Variants in ZHX2 observed in about 807,000 individuals in gnomAD.
ZHX2 encodes the protein zinc fingers and homeoboxes 2, also known as zinc fingers and homeoboxes protein 2.
In ZHX2, 6 loss-of-function variants were observed where a neutral mutation model predicts 21.9. The ratio of observed to expected loss-of-function variants is 0.27; its 90% CI spans 0.15 to 0.54. The LOEUF (loss-of-function observed/expected upper bound fraction) is 0.54, where lower values mean the gene tolerates loss of function less well. Among genes scored for constraint, ZHX2 ranks in the 20% least tolerant of loss-of-function variants. ZHX2 has a pLI of 0.95. For synonymous variants in ZHX2, 434 were observed against 437.1 expected, an observed-to-expected ratio of 0.99 and a Z score of 0.09; for missense variants, 908 against 1,090.7, an observed-to-expected ratio of 0.83 and a Z score of 2.36.
intron 2 of ZHX2, among the ~76,000 whole-genome samples, chr8:122,915,966 T>G (rs1214977677): frequency 1.3e-5 from 2 of 152,104 alleles, no homozygotes; most frequent in Non-Finnish European, 2.9e-5. Flanking sequence ...TCCTCCCCCT[T>G]CCTGCAGCCC....
chr8:122,819,606 A>G lies in ZHX2; in HGVS notation c.-283+37660A>G, dbSNP rs1818100336. ...AAGGAGGTTTTCCAGGCACTATCCA[A>G]GAAACCAAAGTAGAATTGCCCGCAT... On this transcript the variant is annotated intron_variant, in intron 1 of 3. Coordinates refer to ENST00000314393, the MANE Select transcript of ZHX2 (RefSeq NM_014943.5). Among the ~76,000 whole-genome samples the G allele has an allele frequency of 2.0e-5, 3 of 152,236 alleles. No individual in the cohort carries two copies. In the South Asian group the frequency reaches 6.2e-4, roughly 32 times the overall value.
chr8:122,882,580 C>T (rs1192366131), intron 2 of ZHX2, among the ~76,000 whole-genome samples: 2 of 152,158 alleles, frequency 1.3e-5, no homozygotes, highest in East Asian at 3.9e-4. Flanking sequence ...GCAGTGCTGA[C>T]CACTTCCTGA....
chr8:122,898,249 A>G (rs1393105228), intron 2 of ZHX2, among the ~76,000 whole-genome samples: 2 of 152,106 alleles, frequency 1.3e-5, no homozygotes, highest in African/African-American at 4.8e-5. Context: ...AGCTCTTGTC[A>G]TTTTGTTAAA....
At chr8:122,810,375 A>G (rs1347440765) in intron 1 of ZHX2, 2 of 152,248 alleles carry the variant, frequency 1.3e-5, no homozygotes, top group Non-Finnish European at 2.9e-5. Flanking sequence ...GTACACATTC[A>G]GCAAGTGGTC....
chr8:122,886,122 C>G (rs1317741528), intron 2 of ZHX2, among the ~76,000 whole-genome samples: 1 of 152,174 alleles, frequency 6.6e-6, no homozygotes, highest in African/African-American at 2.4e-5. Context: ...TGTGATACAT[C>G]CATCCAGTGG....
At chr8:122,884,174 T>C (rs185243106) in intron 2 of ZHX2, among the ~76,000 whole-genome samples, 1 of 152,320 alleles carries the variant, frequency 6.6e-6, no homozygotes, top group Non-Finnish European at 1.5e-5. Flanking sequence ...ATTTTAAAAG[T>C]ACAGTCAAAA....
At chr8:122,846,951 G>A (rs78982787) in intron 1 of ZHX2, among the ~76,000 whole-genome samples, 2,187 of 152,214 alleles carry the variant, frequency 0.014, 65 homozygotes, top group African/African-American at 0.05. Context: ...TACAATAATA[G>A]CATTAAAACA....
intron 1 of ZHX2, among the ~76,000 whole-genome samples, chr8:122,836,783 G>C (rs187019792): frequency 6.6e-6 from 1 of 152,196 alleles, no homozygotes; most frequent in African/African-American, 2.4e-5. Flanking sequence ...CACTGCTGGC[G>C]CAAGGCTTGC....
At chr8:122,882,312 C>G (rs1027614241) in intron 2 of ZHX2, among the ~76,000 whole-genome samples, 5 of 151,360 alleles carry the variant, frequency 3.3e-5, no homozygotes, top group African/African-American at 1.2e-4. Flanking sequence ...AACACACACA[C>G]ACAGAGAGAG....
intron 1 of ZHX2, among the ~76,000 whole-genome samples, chr8:122,811,481 C>G (rs541700402): frequency 2.0e-5 from 3 of 152,350 alleles, no homozygotes; most frequent in East Asian, 3.9e-4. Flanking sequence ...TTCTAATGCT[C>G]CCTGCCCTGC....
In ZHX2 at chr8:122,890,482, A is replaced by G. The variant is rs985958591; in HGVS notation, c.-220+26943A>G. 2.0e-5 allele frequency among the ~76,000 whole-genome samples: 3 copies of G among 152,018 alleles called. No individual in the cohort carries two copies. In the South Asian group the frequency reaches 6.2e-4, roughly 32 times the overall value. The stretch of plus-strand genomic sequence containing the variant: ...CATATGAATTTTAGGATTTTTTTCT[A>G]TTTCTGTGAAGAGTGTCATTGGTAT... On this transcript the variant is annotated intron_variant, in intron 2 of 3. Transcript: ENST00000314393.
chr8:122,814,810 G>A (rs16897499), intron 1 of ZHX2, among the ~76,000 whole-genome samples: 19,956 of 152,206 alleles, frequency 0.13, 1,470 homozygotes, highest in African/African-American at 0.19. Flanking sequence ...GTACCCAGTA[G>A]AAGTGGGTTT....
intron 2 of ZHX2, among the ~76,000 whole-genome samples, chr8:122,917,952 T>A (rs975551852): frequency 6.6e-6 from 1 of 152,184 alleles, no homozygotes; most frequent in Non-Finnish European, 1.5e-5. Flanking sequence ...TCACCTCTAC[T>A]CTGAAGGCTT....
At chr8:122,898,361 G>A (rs1383382816) in intron 2 of ZHX2, among the ~76,000 whole-genome samples, 2 of 152,048 alleles carry the variant, frequency 1.3e-5, no homozygotes, top group African/African-American at 4.8e-5. Flanking sequence ...TTCATCAGTG[G>A]GAAATTGCTG....
At chr8:122,945,987 G>A (rs1038587711) in intron 2 of ZHX2, among the ~76,000 whole-genome samples, 1 of 152,198 alleles carries the variant, frequency 6.6e-6, no homozygotes, top group Non-Finnish European at 1.5e-5. Flanking sequence ...GGCACAGGAT[G>A]TGACTGTGCC....
intron 1 of ZHX2, among the ~76,000 whole-genome samples, chr8:122,783,686 G>C (rs1817337693): frequency 1.3e-5 from 2 of 152,194 alleles, no homozygotes; most frequent in South Asian, 2.1e-4. Flanking sequence ...CGACCAAGTG[G>C]AATAAATATC....
intron 1 of ZHX2, chr8:122,811,884 C>T (rs1817937775): frequency 1.3e-5 from 2 of 152,328 alleles, no homozygotes; most frequent in South Asian, 4.1e-4. Flanking sequence ...CAATAAATCA[C>T]CAACTATCTA....
rs139234125 is a variant in ZHX2 at position 122,893,213 on chromosome 8, G to A, written c.-220+29674G>A. Among the ~76,000 whole-genome samples, 553 of 152,208 alleles carry A rather than the reference G, an allele frequency of 3.6e-3. 4 individuals carry two copies. The highest frequency in any genetic ancestry group is 0.01 in the African/African-American group (435 of 41,506). On this transcript the variant is annotated intron_variant, in intron 2 of 3. Transcript: ENST00000314393. Reference sequence around the variant, plus strand: ...GAAAAATATGGTGTTAGTCTAATGCGAATTCTCTTATATGTGAGTTGATGC... The same window carrying A: ...GAAAAATATGGTGTTAGTCTAATGCAAATTCTCTTATATGTGAGTTGATGC...
chr8:122,834,665 T>G (rs1818457432), intron 1 of ZHX2, among the ~76,000 whole-genome samples: 1 of 152,226 alleles, frequency 6.6e-6, no homozygotes, highest in Non-Finnish European at 1.5e-5. Flanking sequence ...CTTCTGAAGC[T>G]TGTGCCGAAT....
Sources: allele counts gnomAD v4.1 joint callset (sites outside exome capture counted in the v4.1 genomes callset), GRCh38; gene constraint gnomAD v4.1.1; transcripts MANE v1.5; gene names NCBI Gene and HGNC (gene_info 2026-07-23, HGNC 2026-07-21).